The following CALN1 variants were observed in gnomAD, a reference collection of about 807,000 sequenced individuals.
The protein encoded by CALN1 is calcium-binding protein 8.
Under a neutral mutation model 30.6 loss-of-function variants are expected in CALN1, and 17 were observed. The observed-to-expected ratio is 0.56, with a 90% confidence interval of 0.38 to 0.83. The LOEUF (loss-of-function observed/expected upper bound fraction) is 0.83. CALN1 is among the 40% of genes least tolerant of loss of function. The pLI is 0.00. For missense variants in CALN1, 291 were observed against 354.9 expected, an observed-to-expected ratio of 0.82 and a Z score of 1.45; for synonymous variants, 156 against 131.4, an observed-to-expected ratio of 1.19 and a Z score of -1.28.
intron 4 of CALN1, among the ~76,000 whole-genome samples, chr7:72,075,606 C>G (rs1477286951): frequency 1.3e-5 from 2 of 152,192 alleles, no homozygotes; most frequent in Non-Finnish European, 2.9e-5. Context: ...CCTCTTCCAG[C>G]CTGTGTTGAC....
intron 5 of CALN1, among the ~76,000 whole-genome samples, chr7:71,978,063 T>A (rs1375934640): frequency 6.6e-6 from 1 of 151,460 alleles, no homozygotes; most frequent in Non-Finnish European, 1.5e-5. Flanking sequence ...AAGCAAAGTG[T>A]AGGCTCAAGA....
rs548560065 is a variant in CALN1 at position 72,340,699 on chromosome 7, T to C, written c.120-61889A>G. 7.2e-5 allele frequency among the ~76,000 whole-genome samples: 11 copies of C among 152,338 alleles called. No individual in the cohort carries two copies. In the East Asian group the frequency reaches 2.1e-3, roughly 29 times the overall value. On this transcript the variant is annotated intron_variant, in intron 2 of 6. Transcript: ENST00000395275. ...GATGCGCATAGAAGGTGATATGGTT[T>C]GGCTGTGTCCCCTCCCAAATCACAT...
chr7:72,050,827 C>T (rs1473480317), intron 4 of CALN1, among the ~76,000 whole-genome samples: 1 of 151,912 alleles, frequency 6.6e-6, no homozygotes, highest in African/African-American at 2.4e-5. Flanking sequence ...ATGGTGAAAC[C>T]TCATTTCTAC....
Position 72,383,889 on chromosome 7 carries a change from T to C in CALN1, c.119+19362A>G, listed in dbSNP as rs144607517. ...CTTACTTTAAGTTCTGGGATATCTGTGCAGAACATGCAGGTTTGTTACATA... is the reference window on the plus strand; with the variant it reads ...CTTACTTTAAGTTCTGGGATATCTGCGCAGAACATGCAGGTTTGTTACATA... On this transcript the variant is annotated intron_variant, in intron 2 of 6. Transcript: ENST00000395275. 7.7e-3 allele frequency among the ~76,000 whole-genome samples: 1,170 copies of C among 152,362 alleles called. 9 individuals are homozygous for C. The highest frequency in any genetic ancestry group is 0.017 in the Middle Eastern group (5 of 294).
At chr7:72,401,995 C>T (rs1806373598) in intron 2 of CALN1, among the ~76,000 whole-genome samples, 1 of 152,298 alleles carries the variant, frequency 6.6e-6, no homozygotes, top group East Asian at 1.9e-4. Context: ...GGTGGAAGGT[C>T]CTCTCCTGGA....
intron 5 of CALN1, among the ~76,000 whole-genome samples, chr7:71,859,121 G>A (rs1304086966): frequency 6.6e-6 from 1 of 152,066 alleles, no homozygotes; most frequent in Non-Finnish European, 1.5e-5. Context: ...GGAGTGCAGC[G>A]GCATGATCTC....
chr7:72,411,387 G>A (rs191369268), intron 1 of CALN1, among the ~76,000 whole-genome samples: 42 of 152,032 alleles, frequency 2.8e-4, no homozygotes, highest in African/African-American at 9.9e-4. Flanking sequence ...AACATCATTA[G>A]GAATCAAGAT....
At chr7:72,184,600 A>T (rs936187492) in intron 3 of CALN1, among the ~76,000 whole-genome samples, 8 of 152,164 alleles carry the variant, frequency 5.3e-5, no homozygotes, top group African/African-American at 1.9e-4. Flanking sequence ...CTGGAAAGGT[A>T]AACATATAGC....
intron 3 of CALN1, among the ~76,000 whole-genome samples, chr7:72,249,034 G>A (rs762160233): frequency 6.6e-6 from 1 of 152,188 alleles, no homozygotes; most frequent in Non-Finnish European, 1.5e-5. Context: ...CATAAGCAGT[G>A]ATGGATCACG....
At chr7:71,896,937 C>T (rs538654109) in intron 5 of CALN1, among the ~76,000 whole-genome samples, 10 of 152,248 alleles carry the variant, frequency 6.6e-5, no homozygotes, top group African/African-American at 1.7e-4. Context: ...AAAAGAAACG[C>T]GCTGTGGCAG....
chr7:72,316,709 G>A (rs1241614805), intron 2 of CALN1, among the ~76,000 whole-genome samples: 1 of 152,148 alleles, frequency 6.6e-6, no homozygotes, highest in Non-Finnish European at 1.5e-5. Flanking sequence ...GCCGAGGTGG[G>A]AGGATGAGAG....
intron 2 of CALN1, among the ~76,000 whole-genome samples, chr7:72,379,155 A>T (rs1034124379): frequency 6.6e-6 from 1 of 152,108 alleles, no homozygotes; most frequent in Non-Finnish European, 1.5e-5. Flanking sequence ...TTTGAGACAG[A>T]GTCTTGCTCT....
At chr7:72,182,654 A>G (rs1585110313) in intron 3 of CALN1, among the ~76,000 whole-genome samples, 1 of 151,622 alleles carries the variant, frequency 6.6e-6, no homozygotes, top group South Asian at 2.1e-4. Context: ...TGGGAGGTGG[A>G]GGTTGCAGTG....
At chr7:72,036,620 G>A (rs1801812613) in intron 4 of CALN1, among the ~76,000 whole-genome samples, 2 of 152,022 alleles carry the variant, frequency 1.3e-5, no homozygotes, top group Admixed American at 1.3e-4. Flanking sequence ...CCCTTCTAGT[G>A]AGTTTTTCAT....
chr7:72,312,783 A>G (rs1800141127), intron 2 of CALN1, among the ~76,000 whole-genome samples: 1 of 152,190 alleles, frequency 6.6e-6, no homozygotes, highest in South Asian at 2.1e-4. Flanking sequence ...TATTGAAAAA[A>G]ATATGGATAA....
At chr7:71,973,106 A>G (rs765461798) in intron 5 of CALN1, among the ~76,000 whole-genome samples, 1 of 151,896 alleles carries the variant, frequency 6.6e-6, no homozygotes, top group Non-Finnish European at 1.5e-5. Context: ...GGTGCTCTCT[A>G]TTTTTGAAAA....
chr7:72,159,371 G>C (rs894217241), intron 3 of CALN1, among the ~76,000 whole-genome samples: 2 of 152,146 alleles, frequency 1.3e-5, no homozygotes, highest in African/African-American at 4.8e-5. Context: ...CATGTGGTGT[G>C]TGCCTGTAAT....
chr7:71,891,447 T>C (rs1365984988), intron 5 of CALN1, among the ~76,000 whole-genome samples: 1 of 152,198 alleles, frequency 6.6e-6, no homozygotes, highest in African/African-American at 2.4e-5. Context: ...ATCAAACTGG[T>C]TAAGAGCAGG....
At position 72,278,794 on chromosome 7, in the gene CALN1, G is replaced by C. The variant is rs777702619; in HGVS notation, c.136C>G (p.His46Asp). Reference sequence around the variant, plus strand: ...TACAACAAGCCGGCGGTCACATGGTGGAACGGCATCTTTTCCCTGCCCAAG... The same window carrying C: ...TACAACAAGCCGGCGGTCACATGGTCGAACGGCATCTTTTCCCTGCCCAAG... ...DFPTWEKMPF[H>D]HVTAGLLYKG... Residue 46 changes from histidine (H) to aspartate (D), a missense_variant, in exon 3 of 7, where the codon CAC (histidine) becomes GAC (aspartate). Transcript: ENST00000395275. 1 of 1,613,224 alleles carries C rather than the reference G, an allele frequency of 6.2e-7. No homozygotes were observed.
Sources: allele counts gnomAD v4.1 joint callset (sites outside exome capture counted in the v4.1 genomes callset), GRCh38; gene constraint gnomAD v4.1.1; transcripts MANE v1.5; gene names NCBI Gene and HGNC (gene_info 2026-07-23, HGNC 2026-07-21).